Variants in AGMO observed in about 807,000 individuals in gnomAD.
AGMO encodes the protein glyceryl-ether monooxygenase.
In AGMO, 75 loss-of-function variants were observed where a neutral mutation model predicts 60.2. The observed-to-expected ratio is 1.25, with a 90% CI of 1.03 to 1.51. AGMO has a LOEUF of 1.51. AGMO is among the 40% of genes most tolerant of loss of function. AGMO has a pLI of 0.00. For synonymous variants in AGMO, 261 were observed against 177.1 expected, an observed-to-expected ratio of 1.47 and a Z score of -3.76; for missense variants, 763 against 525.5, an observed-to-expected ratio of 1.45 and a Z score of -4.42.
chr7:15,247,093 C>T (rs1782763589), intron 12 of AGMO, among the ~76,000 whole-genome samples: 1 of 151,908 alleles, frequency 6.6e-6, no homozygotes, highest in Admixed American at 6.6e-5. Flanking sequence ...GCATGAGCCA[C>T]TGTGCCCAGC....
At chr7:15,515,192 T>C (rs1456116007) in intron 3 of AGMO, among the ~76,000 whole-genome samples, 3 of 152,240 alleles carry the variant, frequency 2.0e-5, no homozygotes, top group East Asian at 3.8e-4. Context: ...TTTATGCTTC[T>C]GAAACTACTA....
chr7:15,163,599 T>C, the AGMO span, among the ~76,000 whole-genome samples: 1 of 152,166 alleles, frequency 6.6e-6, no homozygotes, highest in African/African-American at 2.4e-5. Context: ...TATTTTTAAT[T>C]TTGTTTATAT....
intron 12 of AGMO, among the ~76,000 whole-genome samples, chr7:15,304,036 G>C (rs1037832784): frequency 2.0e-5 from 3 of 152,040 alleles, no homozygotes; most frequent in African/African-American, 4.8e-5. Context: ...TAACAAACTT[G>C]TGTTAGTTCA....
chr7:15,333,735 A>G (rs867536961), intron 12 of AGMO, among the ~76,000 whole-genome samples: 3 of 152,238 alleles, frequency 2.0e-5, no homozygotes, highest in Middle Eastern at 3.4e-3. Flanking sequence ...TGATTATGCA[A>G]ATTATCTTAC....
At chr7:15,262,144 A>G (rs1350144399) in intron 12 of AGMO, among the ~76,000 whole-genome samples, 28 of 152,070 alleles carry the variant, frequency 1.8e-4, no homozygotes, top group Admixed American at 1.7e-3. Context: ...GCAATCAGAC[A>G]AGAGAAGGAA....
intron 12 of AGMO, among the ~76,000 whole-genome samples, chr7:15,309,403 T>C (rs777140858): frequency 4.6e-5 from 7 of 152,126 alleles, no homozygotes; most frequent in Non-Finnish European, 8.8e-5. Flanking sequence ...TCTTCAAATG[T>C]ATCAAAAGAG....
At chr7:15,544,744 T>C in intron 3 of AGMO, 28 bp downstream of exon 3, 1 of 1,534,634 alleles carries the variant, frequency 6.5e-7, no homozygotes. Context: ...CAACATAAGT[T>C]AACAAAAAGT....
At chr7:15,451,941 G>C (rs1447827307) in intron 3 of AGMO, among the ~76,000 whole-genome samples, 2 of 152,166 alleles carry the variant, frequency 1.3e-5, no homozygotes, top group African/African-American at 4.8e-5. Context: ...GTGTATGAAT[G>C]GTTGAAGGAC....
the AGMO span, among the ~76,000 whole-genome samples, chr7:15,137,681 G>T: frequency 3.3e-5 from 5 of 152,148 alleles, no homozygotes; most frequent in African/African-American, 9.7e-5. Context: ...AGATTAGTAG[G>T]AATGATGATT....
At chr7:15,393,256 G>GGAAA (rs1473759961) in intron 6 of AGMO, among the ~76,000 whole-genome samples, 1 of 152,190 alleles carries the variant, frequency 6.6e-6, no homozygotes, top group African/African-American at 2.4e-5. Flanking sequence ...TGCCCTTCTT[G>GGAAA]GAAAGGCAGG....
At chr7:15,236,293 A>T (rs1782417044) in intron 12 of AGMO, among the ~76,000 whole-genome samples, 1 of 152,166 alleles carries the variant, frequency 6.6e-6, no homozygotes, top group African/African-American at 2.4e-5. Flanking sequence ...ACCATTTTAT[A>T]GATCTTGTAA....
chr7:15,300,776 T>C lies in AGMO; in HGVS notation c.1263+64738A>G, dbSNP rs111604728. ...TCTTAAAGGTGTGGATGACATTCTG[T>C]AGCACTGCTTGTCCAAAAAAAATGA... On this transcript the variant is annotated intron_variant, in intron 12 of 12. Transcript: ENST00000342526. 6.8e-3 allele frequency among the ~76,000 whole-genome samples: 1,037 copies of C among 152,282 alleles called. 7 individuals carry two copies. The highest frequency in any genetic ancestry group is 0.024 in the African/African-American group (980 of 41,556).
intron 3 of AGMO, among the ~76,000 whole-genome samples, chr7:15,462,354 T>G (rs1472530784): frequency 6.6e-6 from 1 of 152,146 alleles, no homozygotes; most frequent in African/African-American, 2.4e-5. Flanking sequence ...TAAAAGTTAT[T>G]TATTGTTTGA....
chr7:15,527,404 C>T (rs1784155689), intron 3 of AGMO, among the ~76,000 whole-genome samples: 1 of 152,132 alleles, frequency 6.6e-6, no homozygotes, highest in African/African-American at 2.4e-5. Flanking sequence ...AAAGCCTAAT[C>T]CAGAGCAAGA....
the AGMO span, among the ~76,000 whole-genome samples, chr7:15,184,166 A>C: frequency 6.6e-6 from 1 of 152,108 alleles, no homozygotes; most frequent in Non-Finnish European, 1.5e-5. Context: ...TTTGAACTTG[A>C]ATTTTTAAAG....
intron 12 of AGMO, among the ~76,000 whole-genome samples, chr7:15,362,583 A>C (rs928224675): frequency 6.6e-6 from 1 of 152,128 alleles, no homozygotes; most frequent in African/African-American, 2.4e-5. Context: ...TTAACGAAAA[A>C]TTCCAGTGGC....
At chr7:15,332,866 G>A (rs1337299599) in intron 12 of AGMO, among the ~76,000 whole-genome samples, 1 of 151,800 alleles carries the variant, frequency 6.6e-6, no homozygotes, top group African/African-American at 2.4e-5. Flanking sequence ...CTAATACTCT[G>A]ACAGATATTA....
chr7:15,442,721 T>G (rs572134752), intron 3 of AGMO, among the ~76,000 whole-genome samples: 2 of 152,086 alleles, frequency 1.3e-5, no homozygotes, highest in Non-Finnish European at 2.9e-5. Context: ...GGACAGGCAC[T>G]CCTGCCTTCA....
intron 12 of AGMO, among the ~76,000 whole-genome samples, chr7:15,216,800 C>G (rs1781750270): frequency 6.7e-6 from 1 of 150,244 alleles, no homozygotes; most frequent in African/African-American, 2.4e-5. Context: ...CATTACGTTC[C>G]TATATAAGTG....
Sources: gnomAD v4.1 joint callset for allele counts (sites outside exome capture counted in the v4.1 genomes callset) on GRCh38, gnomAD v4.1.1 for gene constraint, MANE v1.5 for transcripts, NCBI Gene and HGNC (gene_info 2026-07-23, HGNC 2026-07-21) for gene names.